Variants in CC2D2B observed in about 807,000 individuals in gnomAD.
CC2D2B encodes the protein protein CC2D2B.
A neutral mutation model predicts 161.2 loss-of-function variants in CC2D2B; 128 were observed. That is an observed-to-expected ratio of 0.79 (90% CI 0.69 to 0.92). CC2D2B has a LOEUF of 0.92. Among genes scored for constraint, CC2D2B ranks in the 40% least tolerant of loss-of-function variants. CC2D2B has a pLI of 0.00. For missense variants in CC2D2B, 1,173 were observed against 1,375.1 expected (o/e 0.85, Z 2.32); for synonymous variants, 391 against 449.8 (o/e 0.87, Z 1.65).
intron 33 of CC2D2B, among the ~76,000 whole-genome samples, chr10:96,025,907 C>G (rs1040553750): frequency 1.3e-5 from 2 of 152,222 alleles, no homozygotes; most frequent in Non-Finnish European, 2.9e-5. Context: ...CACATCTCCC[C>G]CCAGCCCCCC....
chr10:95,959,490 G>C (rs183744695), intron 11 of CC2D2B, among the ~76,000 whole-genome samples: 73 of 152,194 alleles, frequency 4.8e-4, no homozygotes, highest in African/African-American at 1.7e-3. Flanking sequence ...AGAAAAAGAG[G>C]CTACATTTTC....
At chr10:96,025,050 T>C in intron 33 of CC2D2B, 139 bp downstream of exon 33, 1 of 405,980 alleles carries the variant, frequency 2.5e-6, no homozygotes. Flanking sequence ...GGCTCACACC[T>C]ATAATCGCAG....
intron 11 of CC2D2B, among the ~76,000 whole-genome samples, chr10:95,957,499 G>A (rs1238177760): frequency 6.6e-6 from 1 of 151,472 alleles, no homozygotes; most frequent in East Asian, 1.9e-4. Context: ...AGACTGGAGA[G>A]GACCTTATGT....
chr10:96,004,371 A>G (rs1450325611), intron 25 of CC2D2B, 123 bp downstream of exon 25: 5 of 590,080 alleles, frequency 8.5e-6, no homozygotes, highest in Non-Finnish European at 1.5e-5. Flanking sequence ...ATTTTCTTGA[A>G]AGGATTTGAG....
chr10:96,031,277 G>A (rs1270467260), intron 34 of CC2D2B, among the ~76,000 whole-genome samples: 1 of 152,208 alleles, frequency 6.6e-6, no homozygotes, highest in African/African-American at 2.4e-5. Flanking sequence ...CATGGGAAGA[G>A]CGTGTGAACA....
chr10:95,927,266 T>C lies in CC2D2B; in HGVS notation c.270T>C (p.Asp90=). 13 of 1,550,990 alleles carry C rather than the reference T, an allele frequency of 8.4e-6. No individual in the cohort carries two copies. The highest frequency in any genetic ancestry group is 1.1e-5 in the Non-Finnish European group (13 of 1,145,990). ...CTCCACAGACTGAAGTCTCATTGGATGAAAGTCTTTCATTTTTCATTCTGA... is the reference window on the plus strand; with the variant it reads ...CTCCACAGACTGAAGTCTCATTGGACGAAAGTCTTTCATTTTTCATTCTGA... The part of the protein sequence containing the change: ...KLSPQTEVSL[D]ESLSFFILSG... The change falls in exon 6 of 35, where the codon GAT becomes GAC. Residue 90 remains aspartate, a synonymous_variant. Coordinates refer to ENST00000646931, the MANE Select transcript of CC2D2B (RefSeq NM_001349008.3).
intron 33 of CC2D2B, among the ~76,000 whole-genome samples, chr10:96,025,191 AAATATAT>A (rs1219068132): frequency 2.4e-4 from 12 of 50,738 alleles, no homozygotes; most frequent in South Asian, 6.3e-4. Context: ...ATATAAAAAA[AAATATAT>A]ATATATATAT....
chr10:95,976,050 T>C (rs2077301648), intron 17 of CC2D2B, among the ~76,000 whole-genome samples: 1 of 152,204 alleles, frequency 6.6e-6, no homozygotes, highest in Admixed American at 6.5e-5. Context: ...TTTACAATTC[T>C]ACAGACGCAT....
At chr10:95,930,311 T>G (rs1292928217) in intron 6 of CC2D2B, among the ~76,000 whole-genome samples, 1 of 152,226 alleles carries the variant, frequency 6.6e-6, no homozygotes, top group Non-Finnish European at 1.5e-5. Flanking sequence ...ACGATGGGGT[T>G]TTCTAAATAT....
chr10:96,004,800 G>A (rs1366013672), intron 25 of CC2D2B, among the ~76,000 whole-genome samples: 3 of 152,140 alleles, frequency 2.0e-5, no homozygotes, highest in East Asian at 3.8e-4. Flanking sequence ...CATACCCATA[G>A]TATCTACTCT....
chr10:95,978,974 A>G (rs916344925), intron 17 of CC2D2B, among the ~76,000 whole-genome samples: 26 of 152,258 alleles, frequency 1.7e-4, no homozygotes, highest in African/African-American at 5.1e-4. Flanking sequence ...TTACATCGTA[A>G]GCATACTTCA....
chr10:95,919,725 T>C (rs1259973255), intron 2 of CC2D2B: 1 of 152,112 alleles, frequency 6.6e-6, no homozygotes, highest in Non-Finnish European at 1.5e-5. Flanking sequence ...TCCCCTTCAG[T>C]GAAGCAGGTT....
chr10:95,969,150 T>A (rs1399024321), intron 15 of CC2D2B, among the ~76,000 whole-genome samples: 3 of 152,188 alleles, frequency 2.0e-5, no homozygotes, highest in African/African-American at 7.2e-5. Flanking sequence ...CACCCCTGGA[T>A]GTGCAGCACT....
At chr10:95,916,047 G>C (rs1462398381) in intron 2 of CC2D2B, among the ~76,000 whole-genome samples, 1 of 152,024 alleles carries the variant, frequency 6.6e-6, no homozygotes, top group African/African-American at 2.4e-5. Flanking sequence ...TCTTTGCTTG[G>C]AGACTTTTTA....
intron 2 of CC2D2B, chr10:95,913,410 C>A: frequency 2.4e-6 from 1 of 412,748 alleles, no homozygotes; most frequent in South Asian, 1.9e-5. Context: ...CTCTTGTGAA[C>A]AGTGCTGCAA....
intron 6 of CC2D2B, among the ~76,000 whole-genome samples, chr10:95,930,659 C>T (rs1043794685): frequency 1.3e-5 from 2 of 152,080 alleles, no homozygotes; most frequent in Non-Finnish European, 2.9e-5. Flanking sequence ...TGGTTTTTGT[C>T]ATTGGTTCTG....
chr10:95,977,614 T>G (rs2077365923), intron 17 of CC2D2B, among the ~76,000 whole-genome samples: 1 of 152,270 alleles, frequency 6.6e-6, no homozygotes, highest in Non-Finnish European at 1.5e-5. Flanking sequence ...TTAATGATTC[T>G]TTCAGTTAGT....
intron 9 of CC2D2B, among the ~76,000 whole-genome samples, chr10:95,944,897 G>A (rs1181850624): frequency 6.6e-6 from 1 of 152,184 alleles, no homozygotes; most frequent in Non-Finnish European, 1.5e-5. Flanking sequence ...ATTTGAATGT[G>A]TCTCCTCTAA....
At chr10:96,018,318 A>G (rs1408391119) in intron 30 of CC2D2B, among the ~76,000 whole-genome samples, 3 of 152,232 alleles carry the variant, frequency 2.0e-5, no homozygotes, top group Admixed American at 6.5e-5. Context: ...TTTATTCCTC[A>G]GACTGGTTTC....
Sources: allele counts gnomAD v4.1 joint callset (sites outside exome capture counted in the v4.1 genomes callset), GRCh38; gene constraint gnomAD v4.1.1; transcripts MANE v1.5; gene names NCBI Gene and HGNC (gene_info 2026-07-23, HGNC 2026-07-21).